The following NCALD variants were observed in gnomAD, a reference collection of about 807,000 sequenced individuals.
NCALD encodes the protein neurocalcin delta.
NCALD carries 10 observed loss-of-function variants against 18.6 expected under a neutral mutation model. That is an observed-to-expected ratio of 0.54 (90% CI 0.33 to 0.91). NCALD has a LOEUF of 0.91. NCALD is among the 40% of genes least tolerant of loss of function. The pLI is 0.03. For synonymous variants in NCALD, 88 were observed against 87.4 expected (o/e 1.01, Z -0.04); for missense variants, 184 against 247.6 (o/e 0.74, Z 1.72).
intron 2 of NCALD, among the ~76,000 whole-genome samples, chr8:101,961,770 C>G (rs1256162676): frequency 6.6e-6 from 1 of 152,096 alleles, no homozygotes; most frequent in Non-Finnish European, 1.5e-5. Context: ...AAAGGACATT[C>G]TCGCCAACTC....
chr8:102,034,471 G>C (rs541917390), intron 1 of NCALD, among the ~76,000 whole-genome samples: 93 of 152,240 alleles, frequency 6.1e-4, no homozygotes, highest in African/African-American at 2.0e-3. Flanking sequence ...GAGACAAAGG[G>C]GTGGACTGTG....
intron 3 of NCALD, among the ~76,000 whole-genome samples, chr8:101,890,867 G>A (rs553630921): frequency 2.5e-4 from 38 of 152,220 alleles, no homozygotes; most frequent in African/African-American, 8.4e-4. Context: ...TGACTTTTTC[G>A]ACATAGCAAA....
intron 1 of NCALD, among the ~76,000 whole-genome samples, chr8:102,049,627 A>C (rs1586979584): frequency 6.6e-6 from 1 of 152,314 alleles, no homozygotes; most frequent in East Asian, 1.9e-4. Context: ...CCTGTCTTCC[A>C]AAGTGGCTGT....
intron 4 of NCALD, among the ~76,000 whole-genome samples, chr8:101,862,945 A>T (rs548066389): frequency 1.7e-4 from 26 of 152,300 alleles, no homozygotes; most frequent in African/African-American, 6.0e-4. Context: ...CTTCACAACA[A>T]CCCAAATGAA....
intron 2 of NCALD, among the ~76,000 whole-genome samples, chr8:101,947,504 T>A (rs901107184): frequency 8.5e-5 from 13 of 152,126 alleles, no homozygotes; most frequent in Non-Finnish European, 1.8e-4. Flanking sequence ...TTTAAAAAAA[T>A]TATTAAAGAG....
intron 4 of NCALD, among the ~76,000 whole-genome samples, chr8:101,798,576 C>T (rs569492180): frequency 8.7e-4 from 132 of 152,270 alleles, no homozygotes; most frequent in African/African-American, 3.1e-3. Context: ...AAGATATCAA[C>T]TAACCTCTAA....
intron 1 of NCALD, among the ~76,000 whole-genome samples, chr8:102,102,155 A>G (rs990500217): frequency 1.1e-4 from 16 of 152,248 alleles, no homozygotes; most frequent in Non-Finnish European, 2.9e-5. Flanking sequence ...AGGCAATAAT[A>G]TTCAATTCAT....
chr8:102,099,119 G>C (rs1225364312), intron 1 of NCALD, among the ~76,000 whole-genome samples: 2 of 152,196 alleles, frequency 1.3e-5, no homozygotes, highest in Admixed American at 1.3e-4. Flanking sequence ...TGTATACCTT[G>C]ATCCAAATGG....
chr8:101,753,071 C>G (rs969670890), intron 1 of NCALD, among the ~76,000 whole-genome samples: 2 of 152,038 alleles, frequency 1.3e-5, no homozygotes, highest in Non-Finnish European at 2.9e-5. Flanking sequence ...GCGGGAGGCA[C>G]AGAGAATATA....
At chr8:102,092,453 C>T (rs995498840) in intron 1 of NCALD, among the ~76,000 whole-genome samples, 11 of 152,220 alleles carry the variant, frequency 7.2e-5, no homozygotes, top group African/African-American at 2.2e-4. Context: ...AGAACCCTCT[C>T]TTGGGGTCTG....
At chr8:101,972,256 G>T (rs1006005022) in intron 2 of NCALD, among the ~76,000 whole-genome samples, 2 of 152,196 alleles carry the variant, frequency 1.3e-5, no homozygotes, top group African/African-American at 2.4e-5. Context: ...ACAGGGCTTT[G>T]AATAGAGCCC....
chr8:101,971,969 G>A (rs1377381110), intron 2 of NCALD, among the ~76,000 whole-genome samples: 2 of 152,170 alleles, frequency 1.3e-5, no homozygotes, highest in African/African-American at 4.8e-5. Flanking sequence ...CTGCAGCTGG[G>A]AGGTTGGGCT....
At chr8:102,010,721 G>T (rs976875395) in intron 2 of NCALD, among the ~76,000 whole-genome samples, 1 of 152,098 alleles carries the variant, frequency 6.6e-6, no homozygotes, top group Non-Finnish European at 1.5e-5. Flanking sequence ...CCAGCCTGTG[G>T]GTCTCTCTGA....
intron 1 of NCALD, among the ~76,000 whole-genome samples, chr8:102,040,544 A>G (rs1321109841): frequency 1.3e-5 from 2 of 152,170 alleles, no homozygotes; most frequent in Non-Finnish European, 2.9e-5. Flanking sequence ...CTTGTGTATC[A>G]ACCTAGAGAA....
At chr8:101,833,577 C>G (rs1237426701) in intron 4 of NCALD, among the ~76,000 whole-genome samples, 1 of 145,062 alleles carries the variant, frequency 6.9e-6, no homozygotes, top group Non-Finnish European at 1.5e-5. Context: ...TTTCCATGAG[C>G]AATTAAGATG....
chr8:101,895,765 C>T (rs1233575284), intron 3 of NCALD, among the ~76,000 whole-genome samples: 2 of 147,576 alleles, frequency 1.4e-5, no homozygotes, highest in East Asian at 1.9e-4. Flanking sequence ...CCATTCACAA[C>T]TGCTTCAAAG....
intron 3 of NCALD, among the ~76,000 whole-genome samples, chr8:101,901,649 C>T (rs1412762332): frequency 6.6e-6 from 1 of 152,056 alleles, no homozygotes; most frequent in Non-Finnish European, 1.5e-5. Flanking sequence ...AAATAATTTT[C>T]TTAAATATTT....
chr8:101,963,731 T>C (rs1027426183), intron 2 of NCALD, among the ~76,000 whole-genome samples: 10 of 152,148 alleles, frequency 6.6e-5, no homozygotes, highest in African/African-American at 2.2e-4. Flanking sequence ...AAGTTCCTTA[T>C]TGGCACAACA....
chr8:101,873,184 G>C (rs1053252083), intron 4 of NCALD, among the ~76,000 whole-genome samples: 1 of 152,172 alleles, frequency 6.6e-6, no homozygotes, highest in African/African-American at 2.4e-5. Flanking sequence ...CTCTTGGGAA[G>C]GCTTAGTCAT....
Sources: allele counts gnomAD v4.1 joint callset (sites outside exome capture counted in the v4.1 genomes callset), GRCh38; gene constraint gnomAD v4.1.1; transcripts MANE v1.5; gene names NCBI Gene and HGNC (gene_info 2026-07-23, HGNC 2026-07-21).